The following ZNF212 variants were observed in gnomAD, a reference collection of about 807,000 sequenced individuals.
ZNF212 encodes the protein zinc finger protein 212.
ZNF212 carries 32 observed loss-of-function variants against 47.3 expected under a neutral mutation model. That is an observed-to-expected ratio of 0.68 (90% CI 0.51 to 0.91). The LOEUF is 0.91. Ranked by LOEUF, ZNF212 falls within the 40% of genes least tolerant of loss-of-function variation. The pLI, the probability that ZNF212 is intolerant of heterozygous loss-of-function variation, is 0.00. For synonymous variants in ZNF212, 242 were observed against 253.8 expected (o/e 0.95, Z 0.44); for missense variants, 555 against 622.8 (o/e 0.89, Z 1.16).
At chr7:149,250,924 G>A in intron 3 of ZNF212, 117 bp downstream of exon 3, 2 of 1,384,934 alleles carry the variant, frequency 1.4e-6, no homozygotes, top group African/African-American at 1.4e-5. Context: ...CTGTCGGCCT[G>A]CACGGGCAGA....
At chr7:149,251,411 C>T (rs1192575496) in intron 3 of ZNF212, 1 of 153,894 alleles carries the variant, frequency 6.5e-6, no homozygotes, top group Non-Finnish European at 1.4e-5. Flanking sequence ...TCTTGAACTC[C>T]TGACCTCGTG....
intron 3 of ZNF212, 97 bp from the exon 4 acceptor site, chr7:149,252,609 C>T (rs1371589632): frequency 3.8e-6 from 4 of 1,049,546 alleles, no homozygotes; most frequent in Non-Finnish European, 5.8e-6. Flanking sequence ...ATCTATATTT[C>T]CTCCCTGCCA....
Position 149,254,362 on chromosome 7 carries a change from C to T in ZNF212, c.1435C>T (p.Arg479Trp), listed in dbSNP as rs1355496109. 11 of 1,609,594 alleles carry T rather than the reference C, an allele frequency of 6.8e-6. No homozygotes were observed. Among genetic ancestry groups the T allele is most frequent in the Middle Eastern group, 1.6e-4 (1 of 6,084 alleles). Residue 479 changes from arginine to tryptophan, a missense_variant, in exon 5 of 5, where the codon CGG (arginine) becomes TGG (tryptophan). Coordinates refer to ENST00000335870, the MANE Select transcript of ZNF212 (RefSeq NM_012256.4). This position sits in a 1 kb window ranked among gnomAD's most constrained non-coding sequence, Gnocchi z 4.5. ...HLLQHQKIHQ[R>W]ERGGLALEPG... ...CCTGCAGCACCAGAAGATCCACCAG[C>T]GGGAGCGGGGTGGGCTGGCCCTGGA...
chr7:149,239,668 A>T lies in ZNF212; in HGVS notation c.-111A>T, dbSNP rs1176859250. 1 of 584,778 alleles carries T rather than the reference A, an allele frequency of 1.7e-6. No individual in the cohort carries two copies. Among genetic ancestry groups the T allele is most frequent in the Non-Finnish European group, 2.2e-6 (1 of 454,034 alleles). 36.2% of individuals were successfully genotyped at this position (584,778 alleles called of 1,614,324 possible). A position where few individuals can be genotyped will look rare whatever the true frequency, so the allele number is the denominator to read the frequency against. Reference sequence around the variant, plus strand: ...CTGCTCCCAGAATGCACCTGGCATCAACACGGCGGCGGCGGCGGCGGCTTC... The same window carrying T: ...CTGCTCCCAGAATGCACCTGGCATCTACACGGCGGCGGCGGCGGCGGCTTC... On this transcript the variant is annotated 5_prime_UTR_variant, in exon 1 of 5. Transcript: ENST00000335870.
Position 149,254,461 on chromosome 7 carries a change from GGT to G in ZNF212, c.*47_*48del. 6.5e-7 allele frequency: 1 copy of G among 1,542,258 alleles called. No individual in the cohort carries two copies. The highest frequency in any genetic ancestry group is 8.7e-7 in the Non-Finnish European group (1 of 1,154,770). On this transcript the variant is annotated 3_prime_UTR_variant, in exon 5 of 5. Transcript: ENST00000335870. The surrounding 1 kb of genome is among the most constrained non-coding windows in gnomAD (Gnocchi z 4.5). Reference sequence around the variant, plus strand: ...CTGGGGGATGGAGGGGGGTGGCATTGGTTCCCCCGAAGAGACACTGCAGTCAG... The same window carrying G: ...CTGGGGGATGGAGGGGGGTGGCATTGTCCCCCGAAGAGACACTGCAGTCAG...
At chr7:149,241,605 A>G (rs1796590240) in intron 1 of ZNF212, among the ~76,000 whole-genome samples, 1 of 152,196 alleles carries the variant, frequency 6.6e-6, no homozygotes, top group Non-Finnish European at 1.5e-5. Context: ...GAAACAACTG[A>G]AAATGCTGGA....
intron 1 of ZNF212, among the ~76,000 whole-genome samples, chr7:149,242,831 G>A (rs573816262): frequency 1.3e-5 from 2 of 152,272 alleles, no homozygotes; most frequent in South Asian, 2.1e-4. Context: ...GGCCTTCTAT[G>A]TATGTTTCCC....
chr7:149,242,250 G>C (rs931552191), intron 1 of ZNF212, among the ~76,000 whole-genome samples: 1 of 151,476 alleles, frequency 6.6e-6, no homozygotes, highest in Non-Finnish European at 1.5e-5. Context: ...CTGAACTCCT[G>C]ACCTCAGGTG....
chr7:149,248,365 A>G (rs1194931379), intron 1 of ZNF212, among the ~76,000 whole-genome samples: 1 of 152,190 alleles, frequency 6.6e-6, no homozygotes, highest in East Asian at 1.9e-4. Context: ...ATTTCCAAGT[A>G]AGATCACATC....
rs369447631 is a variant in ZNF212 at position 149,253,958 on chromosome 7, G to A, written c.1031G>A (p.Cys344Tyr). Residue 344 changes from cysteine (C) to tyrosine (Y), a missense_variant, in exon 5 of 5, where the codon TGT becomes TAT. By Grantham distance (194) the Cys-to-Tyr change is radical (BLOSUM62 -2). Coordinates refer to ENST00000335870, the MANE Select transcript of ZNF212 (RefSeq NM_012256.4). ...HLRSHSGWGS[C>Y]TPEEPEESLR... The stretch of plus-strand genomic sequence containing the variant: ...CGCAGCCACTCTGGGTGGGGGTCTT[G>A]TACACCTGAGGAGCCAGAGGAGAGC... The A allele has an allele frequency of 8.9e-5, 144 of 1,613,894 alleles. No individual in the cohort carries two copies. Among genetic ancestry groups the A allele is most frequent in the Admixed American group, 2.3e-4 (14 of 60,008 alleles).
Position 149,254,272 on chromosome 7 carries a change from C to T in ZNF212, c.1345C>T (p.His449Tyr). The T allele has an allele frequency of 6.2e-7, 1 of 1,614,232 alleles. No homozygotes were observed. The highest frequency in any genetic ancestry group is 8.5e-7 in the Non-Finnish European group (1 of 1,180,046). The change falls in exon 5 of 5, where the codon CAC becomes TAC. Residue 449 changes from histidine (H) to tyrosine (Y), a missense_variant. Physicochemically the swap from His to Tyr is moderately conservative, Grantham distance 83. Transcript: ENST00000335870. The surrounding 1 kb of genome is among the most constrained non-coding windows in gnomAD (Gnocchi z 4.5). ...TGACTTGGTGCGGCACCAGCGCATC[C>T]ACACGGGTGAGCGGCCCTACAGCTG... ...PSDLVRHQRI[H>Y]TGERPYSCTE...
chr7:149,248,242 C>T (rs956734201), intron 1 of ZNF212, among the ~76,000 whole-genome samples: 13 of 151,768 alleles, frequency 8.6e-5, no homozygotes, highest in African/African-American at 2.9e-4. Context: ...CATCTTCTCC[C>T]TGTGTGTGTG....
intron 1 of ZNF212, among the ~76,000 whole-genome samples, chr7:149,244,709 A>G (rs937457063): frequency 6.6e-6 from 1 of 152,210 alleles, no homozygotes; most frequent in African/African-American, 2.4e-5. Context: ...ATAAAAACCT[A>G]TTGGGAATGA....
Position 149,250,533 on chromosome 7 carries a change from G to A in ZNF212, c.399G>A (p.Lys133=), listed in dbSNP as rs1394992243. The A allele has an allele frequency of 6.2e-7, 1 of 1,612,590 alleles. No homozygotes were observed. ...FWILRLPPGS[K]GEAPKVSRSL... ...TCCTGCGGCTGCCCCCGGGCAGCAA[G>A]GGGGAGGCCCCCAAGGTAGTCTCAT... Residue 133 remains lysine (K), a synonymous_variant, in exon 2 of 5, where the codon AAG becomes AAA. Transcript: ENST00000335870.
rs747150302 is a variant in ZNF212 at position 149,250,393 on chromosome 7, G to A, written c.259G>A (p.Gly87Arg). ...CTGCGAGAAGATGGCCGTGGAGTTC[G>A]GGAACCAGCTGGAGGGCAAGTGGGC... ...ADCEKMAVEF[G>R]NQLEGKWAVL... The change falls in exon 2 of 5, where the codon GGG (glycine) becomes AGG (arginine). Residue 87 changes from glycine to arginine, a missense_variant. Transcript: ENST00000335870. 138 of 1,614,026 alleles carry A rather than the reference G, an allele frequency of 8.6e-5. 1 individual carries two copies. Among genetic ancestry groups the A allele is most frequent in the Middle Eastern group, 1.6e-4 (1 of 6,078 alleles).
chr7:149,250,854 A>G (rs1410779788), intron 3 of ZNF212, 47 bp downstream of exon 3: 14 of 1,608,032 alleles, frequency 8.7e-6, no homozygotes, highest in East Asian at 2.2e-5. Flanking sequence ...ACATACTACA[A>G]TTCCTGGCTG....
rs779837107 is a variant in ZNF212 at position 149,250,448 on chromosome 7, G to T, written c.314G>T (p.Gly105Val). The change falls in exon 2 of 5, where the codon GGG (glycine) becomes GTG (valine). Residue 105 changes from glycine (G) to valine (V), a missense_variant. Gly to Val is a moderately radical substitution (Grantham distance 109). Coordinates refer to ENST00000335870, the MANE Select transcript of ZNF212 (RefSeq NM_012256.4). ...AVLGTLLQEY[G>V]LLQRRLENVE... ...CTGGGGACCCTGCTGCAGGAGTATG[G>T]GCTACTGCAGAGGCGGCTGGAGAAC... is the stretch of plus-strand genomic sequence containing the variant. 16 of 1,614,062 alleles carry T rather than the reference G, an allele frequency of 9.9e-6. 1 individual carries two copies. The East Asian group carries it at 3.3e-4, about 34-fold the overall frequency.
chr7:149,253,500 T>A, intron 4 of ZNF212, 59 bp from the exon 5 acceptor site: 2 of 1,534,978 alleles, frequency 1.3e-6, no homozygotes, highest in East Asian at 4.5e-5. Context: ...TGTTTGGTCC[T>A]GAAGAAACCA....
At chr7:149,249,158 C>T (rs1022567200) in intron 1 of ZNF212, among the ~76,000 whole-genome samples, 1 of 152,214 alleles carries the variant, frequency 6.6e-6, no homozygotes, top group Non-Finnish European at 1.5e-5. Flanking sequence ...GCTTCTATGA[C>T]AGTGATTTTC....
Sources: gnomAD v4.1 joint callset for allele counts (sites outside exome capture counted in the v4.1 genomes callset) on GRCh38, gnomAD v4.1.1 for gene constraint, Gnocchi (gnomAD v3.1) non-coding constraint, MANE v1.5 for transcripts, NCBI Gene and HGNC (gene_info 2026-07-23, HGNC 2026-07-21) for gene names.